MUC6: variants seen among roughly 807,000 people sequenced by gnomAD.
MUC6 encodes the protein mucin 6, oligomeric mucus/gel-forming (gene/pseudogene), also known as mucin-6.
Under a neutral mutation model 201.5 loss-of-function variants are expected in MUC6, and 188 were observed. That is an observed-to-expected ratio of 0.93 (90% confidence interval 0.83 to 1.05). MUC6 has a LOEUF of 1.05. Among genes scored for constraint, MUC6 ranks in the 50% least tolerant of loss-of-function variants. The probability of loss-of-function intolerance (pLI) is 0.00; values close to 1 mark genes in which losing one functional copy is unlikely to be tolerated. For synonymous variants in MUC6, 1,228 were observed against 1,389.4 expected (o/e 0.88, Z 2.58); for missense variants, 2,706 against 3,256.9 (o/e 0.83, Z 4.12).
Position 1,028,669 on chromosome 11 carries a change from G to A in MUC6, c.1568C>T (p.Pro523Leu). Residue 523 changes from proline (P) to leucine (L), a missense_variant, in exon 13 of 33, where the codon CCC (proline) becomes CTC (leucine). Pro to Leu is a moderately conservative substitution (Grantham distance 98, BLOSUM62 -3). Around this residue, in one of 10 missense-constraint regions of MUC6, gnomAD observed 1,850 missense variants for 1,958.3 expected, o/e 0.94. Transcript: ENST00000421673. Reference sequence around the variant, plus strand: ...ACCTCTGGTCTGACCTCTGAACTGGGGCCCAACAGTGACATAGGCCTGGAA... The same window carrying A: ...ACCTCTGGTCTGACCTCTGAACTGGAGCCCAACAGTGACATAGGCCTGGAA... The part of the protein sequence containing the change: ...PIFQAYVTVG[P>L]QFRGQTRGLC... The A allele has an allele frequency of 6.2e-7, 1 of 1,609,752 alleles. No homozygotes were observed. Among genetic ancestry groups the A allele is most frequent in the Admixed American group, 1.7e-5 (1 of 59,524 alleles).
rs938665668 is a variant in MUC6 at position 1,030,092 on chromosome 11, G to A, written c.1015+121C>T. 2.4e-6 allele frequency: 3 copies of A among 1,241,242 alleles called. No homozygotes were observed. The African/African-American group carries it at 4.5e-5, about 19-fold the overall frequency. 76.9% of individuals were successfully genotyped at this position (1,241,242 alleles called of 1,614,324 possible). On this transcript the variant is annotated intron_variant, in intron 8 of 32. Coordinates refer to ENST00000421673, the MANE Select transcript of MUC6 (RefSeq NM_005961.3). ...TCCCAGGGCAAGAGGCGCCAGAGCT[G>A]GGACTCAGGCAGCAGAATGTTGGGG...
Position 1,029,480 on chromosome 11 carries a change from C to T in MUC6, c.1136+15G>A, listed in dbSNP as rs199940662. The T allele has an allele frequency of 3.8e-5, 61 of 1,611,184 alleles. No individual in the cohort carries two copies. The highest frequency in any genetic ancestry group is 1.3e-4 in the African/African-American group (10 of 75,004). On this transcript the variant is annotated intron_variant, in intron 9 of 32. Transcript: ENST00000421673. ...CCTGCCGGCCGGCCAGAGCCCCCTC[C>T]GGCGCCTCACTCACCAGGTTTGGCA...
intron 26 of MUC6, 47 bp from the exon 27 acceptor site, chr11:1,021,324 GC>G: frequency 7.4e-7 from 1 of 1,357,068 alleles, no homozygotes; most frequent in Non-Finnish European, 9.8e-7. Context: ...GGCCAGCCAG[GC>G]CCACCTGCGT....
At chr11:1,024,297 C>T (rs949261564) in intron 24 of MUC6, among the ~76,000 whole-genome samples, 194 bp from the exon 25 acceptor site, 2 of 152,204 alleles carry the variant, frequency 1.3e-5, no homozygotes, top group African/African-American at 4.8e-5. Context: ...CCACGGAGGC[C>T]TGACCCGAGC....
At chr11:1,030,054 C>A (rs961170201) in intron 8 of MUC6, among the ~76,000 whole-genome samples, 159 bp downstream of exon 8, 3 of 142,090 alleles carry the variant, frequency 2.1e-5, no homozygotes, top group African/African-American at 7.6e-5. Context: ...AGCGTCCAGG[C>A]GGGAAAAGCC....
chr11:1,036,374 G>A (rs1857216814), intron 1 of MUC6, among the ~76,000 whole-genome samples: 1 of 152,134 alleles, frequency 6.6e-6, no homozygotes, highest in African/African-American at 2.4e-5. Context: ...GGGCGTCCCT[G>A]CCCAGGCCCC....
chr11:1,032,122 CAGAG>C, intron 2 of MUC6, 69 bp from the exon 3 acceptor site: 1 of 1,574,186 alleles, frequency 6.4e-7, no homozygotes, highest in Non-Finnish European at 8.6e-7. Context: ...CTGGGGCAGG[CAGAG>C]AGGTCACTCG....
intron 19 of MUC6, among the ~76,000 whole-genome samples, chr11:1,026,720 C>T (rs1229655865): frequency 1.3e-5 from 2 of 152,246 alleles, no homozygotes; most frequent in African/African-American, 4.8e-5. Flanking sequence ...ACATGGGCAG[C>T]CCACCCTCCC....
Position 1,030,603 on chromosome 11 carries a change from C to A in MUC6, c.862G>T (p.Val288Phe). 6.5e-7 allele frequency: 1 copy of A among 1,528,482 alleles called. No homozygotes were observed. Among genetic ancestry groups the A allele is most frequent in the South Asian group, 1.2e-5 (1 of 81,710 alleles). 94.7% of individuals were successfully genotyped at this position (1,528,482 alleles called of 1,614,324 possible). Residue 288 changes from valine (V) to phenylalanine (F), a missense_variant, in exon 7 of 33, where the codon GTC (valine) becomes TTC (phenylalanine). Around this residue, in one of 10 missense-constraint regions of MUC6, gnomAD observed 1,850 missense variants for 1,958.3 expected, o/e 0.94. Transcript: ENST00000421673. Reference sequence around the variant, plus strand: ...AGGCCGGGGCTCCGCCAGCGGCGGACCGGCTGGCCCACCATGCTGCACTGG... The same window carrying A: ...AGGCCGGGGCTCCGCCAGCGGCGGAACGGCTGGCCCACCATGCTGCACTGG... ...SRQCSMVGQP[V>F]RRWRSPGLCS...
At chr11:1,031,083 C>A (rs770763811) in intron 5 of MUC6, 27 bp from the exon 6 acceptor site, 1 of 1,548,928 alleles carries the variant, frequency 6.5e-7, no homozygotes. Flanking sequence ...GGGTCAGCAC[C>A]GTGGGGGCTG....
chr11:1,016,428 T>G lies in MUC6; in HGVS notation c.6373A>C (p.Asn2125His). 1.2e-6 allele frequency: 2 copies of G among 1,613,728 alleles called. No homozygotes were observed. The highest frequency in any genetic ancestry group is 8.5e-7 in the Non-Finnish European group (1 of 1,179,834). Residue 2125 changes from asparagine to histidine, a missense_variant, in exon 31 of 33, where the codon AAT (asparagine) becomes CAT (histidine). Asn to His is a moderately conservative substitution (Grantham distance 68). Coordinates refer to ENST00000421673, the MANE Select transcript of MUC6 (RefSeq NM_005961.3). ...SSATTPVSTT[N>H]QLSSSFSPSP... ...GGAGAAAATGAGGAGGACAGCTGATTAGTTGTGGAAACAGGAGTGGTTGCA... is the reference window on the plus strand; with the variant it reads ...GGAGAAAATGAGGAGGACAGCTGATGAGTTGTGGAAACAGGAGTGGTTGCA...
In MUC6 at chr11:1,023,496, G is replaced by A. The variant is rs12793770; in HGVS notation, c.3526+13C>T. On this transcript the variant is annotated intron_variant, in intron 26 of 32. Transcript: ENST00000421673. ...CCCCTGTGTATCTGCGTTGCCTCCCGGTCACCTGGCACCTTCGATGTTGCT... is the reference window on the plus strand; with the variant it reads ...CCCCTGTGTATCTGCGTTGCCTCCCAGTCACCTGGCACCTTCGATGTTGCT... 9.0e-6 allele frequency: 14 copies of A among 1,563,992 alleles called. No homozygotes were observed. Among genetic ancestry groups the A allele is most frequent in the South Asian group, 2.3e-5 (2 of 85,144 alleles).
In MUC6 at chr11:1,018,487, G is replaced by A. The variant is rs375817436; in HGVS notation, c.4314C>T (p.His1438=). The A allele has an allele frequency of 1.2e-5, 20 of 1,607,378 alleles. No homozygotes were observed. The highest frequency in any genetic ancestry group is 1.6e-5 in the Non-Finnish European group (19 of 1,177,398). ...CGTGAGTGGGAAGTGTGGTCTCAGGGTGTGATGGGGTTGGATAGGTAGTGG... is the reference window on the plus strand; with the variant it reads ...CGTGAGTGGGAAGTGTGGTCTCAGGATGTGATGGGGTTGGATAGGTAGTGG... ...HATTTYPTPS[H]PETTLPTHVP... Residue 1438 remains histidine (H), a synonymous_variant, in exon 31 of 33, where the codon CAC becomes CAT. Coordinates refer to ENST00000421673, the MANE Select transcript of MUC6 (RefSeq NM_005961.3).
At chr11:1,035,876 C>T (rs1365824232) in intron 1 of MUC6, among the ~76,000 whole-genome samples, 2 of 152,154 alleles carry the variant, frequency 1.3e-5, no homozygotes, top group African/African-American at 4.8e-5. Flanking sequence ...CAAGAGGGGT[C>T]TCCCCAGGTC....
intron 6 of MUC6, 53 bp from the exon 7 acceptor site, chr11:1,030,833 C>A (rs952408964): frequency 4.6e-6 from 7 of 1,526,214 alleles, no homozygotes; most frequent in Non-Finnish European, 5.3e-6. Context: ...CATGCCACCA[C>A]GACTGGGGAG....
chr11:1,023,201 G>A (rs1347535667), intron 26 of MUC6, among the ~76,000 whole-genome samples: 1 of 151,858 alleles, frequency 6.6e-6, no homozygotes, highest in Non-Finnish European at 1.5e-5. Flanking sequence ...CTGCGTGAAT[G>A]AGCATGAATG....
chr11:1,030,741 C>G lies in MUC6; in HGVS notation c.724G>C (p.Glu242Gln). 1 of 1,540,898 alleles carries G rather than the reference C, an allele frequency of 6.5e-7. No individual in the cohort carries two copies. Among genetic ancestry groups the G allele is most frequent in the East Asian group, 2.4e-5 (1 of 41,062 alleles). ...AAGGGCTCCTTGGACACGCTGCACT[C>G]AGGGGCCACCAGGGTCAGCAGCTGG... ...CTQLLTLVAP[E>Q]CSVSKEPFVL... Residue 242 changes from glutamate (E) to glutamine (Q), a missense_variant, in exon 7 of 33, where the codon GAG becomes CAG. Coordinates refer to ENST00000421673, the MANE Select transcript of MUC6 (RefSeq NM_005961.3).
Position 1,016,127 on chromosome 11 carries a change from A to G in MUC6, c.6674T>C (p.Leu2225Pro). 6.2e-7 allele frequency: 1 copy of G among 1,613,622 alleles called. No individual in the cohort carries two copies. Among genetic ancestry groups the G allele is most frequent in the Non-Finnish European group, 8.5e-7 (1 of 1,179,770 alleles). ...CACGGTAACAGTGGATATGGGGAGT[A>G]GAGCAGAGAGGGTGAAAGGAGAGGA... ...TISSPFTLSA[L>P]LPISTVTVSP... The change falls in exon 31 of 33, where the codon CTA becomes CCA. Residue 2225 changes from leucine to proline, a missense_variant. Transcript: ENST00000421673.
In MUC6 at chr11:1,027,496, G is replaced by T; in HGVS notation, c.2003C>A (p.Thr668Asn). 3 of 1,612,528 alleles carry T rather than the reference G, an allele frequency of 1.9e-6. No individual in the cohort carries two copies. The highest frequency in any genetic ancestry group is 1.3e-5 in the African/African-American group (1 of 75,036). Reference protein sequence around the residue: ...DNCTIPCTGNTTFSYNSQACE... With the variant: ...DNCTIPCTGNNTFSYNSQACE... Reference sequence around the variant, plus strand: ...GGCTTGGCTGTTGTAGCTGAAGGTGGTGTTACCCGTGCAGGGGATGGCTGT... The same window carrying T: ...GGCTTGGCTGTTGTAGCTGAAGGTGTTGTTACCCGTGCAGGGGATGGCTGT... Residue 668 changes from threonine (T) to asparagine (N), a missense_variant, in exon 17 of 33, where the codon ACC (threonine) becomes AAC (asparagine). Thr to Asn is a moderately conservative substitution (Grantham distance 65, BLOSUM62 0). This residue lies in a region of MUC6 where 1,850 missense variants were observed against 1,958.3 expected (regional missense o/e 0.94). Coordinates refer to ENST00000421673, the MANE Select transcript of MUC6 (RefSeq NM_005961.3).
Sources: allele counts gnomAD v4.1 joint callset (sites outside exome capture counted in the v4.1 genomes callset), GRCh38; gene constraint gnomAD v4.1.1; regional missense constraint gnomAD v4.1.1; transcripts MANE v1.5; gene names NCBI Gene and HGNC (gene_info 2026-07-23, HGNC 2026-07-21).